Variants in PTPN23 observed in about 807,000 individuals in gnomAD.
The protein encoded by PTPN23 is tyrosine-protein phosphatase non-receptor type 23.
Under a neutral mutation model 156.3 loss-of-function variants are expected in PTPN23, and 72 were observed. The observed-to-expected ratio is 0.46, with a 90% CI of 0.38 to 0.56. The LOEUF is 0.56. Ranked by LOEUF, PTPN23 falls within the 20% of genes least tolerant of loss-of-function variation. The pLI, the probability that PTPN23 is intolerant of heterozygous loss-of-function variation, is 0.00. For synonymous variants in PTPN23, 957 were observed against 899.6 expected (o/e 1.06, Z -1.14); for missense variants, 1,974 against 2,171.5 (o/e 0.91, Z 1.81).
At chr3:47,404,441 A>G (rs368715988) in intron 2 of PTPN23, among the ~76,000 whole-genome samples, 1 of 146,738 alleles carries the variant, frequency 6.8e-6, no homozygotes, top group Non-Finnish European at 1.5e-5. Flanking sequence ...AGGAAAAACT[A>G]TGTGGGATAG....
chr3:47,413,034 CCTT>C lies in PTPN23; in HGVS notation c.4763_4765del (p.Phe1588del). The C allele has an allele frequency of 6.2e-7, 1 of 1,612,976 alleles. No individual in the cohort carries two copies. Among genetic ancestry groups the C allele is most frequent in the Non-Finnish European group, 8.5e-7 (1 of 1,180,008 alleles). On this transcript the variant is annotated inframe_deletion, in exon 25 of 25. Coordinates refer to ENST00000265562, the MANE Select transcript of PTPN23 (RefSeq NM_015466.4). The stretch of plus-strand genomic sequence containing the variant: ...TTGCTGGCCTCCTTGACCCCAGAGG[CCTT>C]CTCCCTGGACAGCTCCCTGCGGGGC...
chr3:47,397,526 C>T (rs1704903790), intron 2 of PTPN23, among the ~76,000 whole-genome samples: 2 of 152,196 alleles, frequency 1.3e-5, no homozygotes, highest in Non-Finnish European at 2.9e-5. Flanking sequence ...CCATAGAAAT[C>T]AGTAGCTGTT....
chr3:47,411,695 AGG>A lies in PTPN23; in HGVS notation c.3888+13_3888+14del, dbSNP rs748499546. ...AGGCTGAGATGGAGAAGGTGAGAAGAGGGGGTGGGTGCCCACGAGGGCAGTGT... is the reference window on the plus strand; with the variant it reads ...AGGCTGAGATGGAGAAGGTGAGAAGAGGGTGGGTGCCCACGAGGGCAGTGT... On this transcript the variant is annotated intron_variant, in intron 20 of 24. Coordinates refer to ENST00000265562, the MANE Select transcript of PTPN23 (RefSeq NM_015466.4). This position sits in a 1 kb window ranked among gnomAD's most constrained non-coding sequence, Gnocchi z 6.3. The A allele has an allele frequency of 3.8e-6, 6 of 1,596,514 alleles. No homozygotes were observed. In the South Asian group the frequency reaches 6.7e-5, roughly 18 times the overall value.
At chr3:47,384,028 T>C (rs1345993340) in intron 1 of PTPN23, among the ~76,000 whole-genome samples, 1 of 151,818 alleles carries the variant, frequency 6.6e-6, no homozygotes, top group Non-Finnish European at 1.5e-5. Flanking sequence ...TAATTTAGAA[T>C]AGAAGGGTGA....
intron 2 of PTPN23, among the ~76,000 whole-genome samples, chr3:47,400,380 T>G (rs1704968099): frequency 6.6e-6 from 1 of 152,206 alleles, no homozygotes; most frequent in African/African-American, 2.4e-5. Flanking sequence ...CATCACAGCA[T>G]CAAGCTCTCT....
rs769215674 is a variant in PTPN23 at position 47,407,176 on chromosome 3, A to G, written c.854A>G (p.Lys285Arg). The change falls in exon 10 of 25, where the codon AAG (lysine) becomes AGG (arginine). Residue 285 changes from lysine (K) to arginine (R), a missense_variant. Physicochemically the swap from Lys to Arg is conservative, Grantham distance 26. Transcript: ENST00000265562. The surrounding 1 kb of genome is among the most constrained non-coding windows in gnomAD (Gnocchi z 4.0). ...SALDKLNEAIKLAKGQPDTVQ... is the reference protein window; with the variant it reads ...SALDKLNEAIRLAKGQPDTVQ... ...CTGGACAAGCTCAATGAAGCCATCAAGTTGGCCAAGGTAAAGCTGAGGAAG... is the reference window on the plus strand; with the variant it reads ...CTGGACAAGCTCAATGAAGCCATCAGGTTGGCCAAGGTAAAGCTGAGGAAG... 3 of 1,613,926 alleles carry G rather than the reference A, an allele frequency of 1.9e-6. No individual in the cohort carries two copies. The highest frequency in any genetic ancestry group is 4.5e-5 in the East Asian group (2 of 44,884).
Position 47,407,367 on chromosome 3 carries a change from A to G in PTPN23, c.923A>G (p.Lys308Arg). ...TTCACTATGGATGTCATTGGGGGAA[A>G]GTGAGTCTGTGGGGGTGGCCCTGGT... Reference protein sequence around the residue: ...LRFTMDVIGGKYNSAKKDNDF... With the variant: ...LRFTMDVIGGRYNSAKKDNDF... Residue 308 changes from lysine (K) to arginine (R), a missense_variant and splice_region_variant, in exon 11 of 25, where the codon AAG becomes AGG. This residue lies in a region of PTPN23 where 726 missense variants were observed against 929.5 expected (regional missense o/e 0.78). Coordinates refer to ENST00000265562, the MANE Select transcript of PTPN23 (RefSeq NM_015466.4). The surrounding 1 kb of genome is among the most constrained non-coding windows in gnomAD (Gnocchi z 4.0). 7 of 1,613,948 alleles carry G rather than the reference A, an allele frequency of 4.3e-6. No homozygotes were observed. The highest frequency in any genetic ancestry group is 5.9e-6 in the Non-Finnish European group (7 of 1,179,928).
intron 2 of PTPN23, among the ~76,000 whole-genome samples, chr3:47,398,906 C>T (rs1704936436): frequency 6.6e-6 from 1 of 152,214 alleles, no homozygotes; most frequent in Admixed American, 6.5e-5. Context: ...TGAGCCTGTA[C>T]CATTCCCTGC....
intron 18 of PTPN23, 31 bp downstream of exon 18, chr3:47,409,599 A>C (rs2107720659): frequency 1.2e-6 from 2 of 1,612,124 alleles, no homozygotes; most frequent in Non-Finnish European, 1.7e-6. Flanking sequence ...TCTTTCCCGG[A>C]GCCACCTGGA....
intron 1 of PTPN23, among the ~76,000 whole-genome samples, chr3:47,389,922 A>C (rs1458921371): frequency 6.6e-6 from 1 of 151,486 alleles, no homozygotes; most frequent in Non-Finnish European, 1.5e-5. Context: ...AAAATACAAA[A>C]ATTAGCTGGG....
rs1705096468 is a variant in PTPN23, at chr3:47,405,323, G to A, written c.364+242G>A. 1.7e-6 allele frequency: 1 copy of A among 575,834 alleles called. No individual in the cohort carries two copies. The allele number at this position is 575,834 out of a possible 1,614,324, so 35.7% of individuals were successfully genotyped here. The stretch of plus-strand genomic sequence containing the variant: ...CTGCCACACAGAGTTGCCACTGTGT[G>A]CTCTGTCTGGGAGAGAGGGCCTTTC... On this transcript the variant is annotated intron_variant, in intron 4 of 24. Coordinates refer to ENST00000265562, the MANE Select transcript of PTPN23 (RefSeq NM_015466.4). The surrounding 1 kb of genome is among the most constrained non-coding windows in gnomAD (Gnocchi z 4.7).
intron 1 of PTPN23, among the ~76,000 whole-genome samples, chr3:47,395,753 A>T (rs999508929): frequency 6.6e-6 from 1 of 152,112 alleles, no homozygotes; most frequent in Non-Finnish European, 1.5e-5. Flanking sequence ...TGCAGTTGCT[A>T]TCAGCTTAGG....
At position 47,405,873 on chromosome 3, in the gene PTPN23, A is replaced by G. The variant is rs1433517409; in HGVS notation, c.415-42A>G. 2.5e-6 allele frequency: 4 copies of G among 1,606,846 alleles called. No homozygotes were observed. In the African/African-American group the frequency reaches 5.4e-5, roughly 22 times the overall value. On this transcript the variant is annotated intron_variant, in intron 5 of 24. Transcript: ENST00000265562. This position sits in a 1 kb window ranked among gnomAD's most constrained non-coding sequence, Gnocchi z 4.7. ...GCCTCCCAAGTATGGATGAATCCTG[A>G]CCCATGGAGTGGACACAGGCCATCC...
Position 47,404,627 on chromosome 3 carries a change from C to T in PTPN23, c.160-25C>T, listed in dbSNP as rs1254202535. 3 of 1,612,086 alleles carry T rather than the reference C, an allele frequency of 1.9e-6. No individual in the cohort carries two copies. The South Asian group carries it at 3.3e-5, about 18-fold the overall frequency. On this transcript the variant is annotated intron_variant, in intron 2 of 24. Coordinates refer to ENST00000265562, the MANE Select transcript of PTPN23 (RefSeq NM_015466.4). ...TCCACTGCCCCATATGACAACAGGC[C>T]TGCTTCTCCCATCCTGCCCCCCAGA...
chr3:47,382,694 T>C (rs1169885530), intron 1 of PTPN23, among the ~76,000 whole-genome samples: 5 of 109,378 alleles, frequency 4.6e-5, no homozygotes, highest in African/African-American at 9.8e-5. Context: ...TTTTTTTTTT[T>C]TTTTTTTTTT....
rs146035301 is a variant in PTPN23 at position 47,407,334 on chromosome 3, C to T, written c.890C>T (p.Ala297Val). The T allele has an allele frequency of 1.1e-4, 181 of 1,614,014 alleles. 1 individual carries two copies. The highest frequency in any genetic ancestry group is 1.7e-4 in the Admixed American group (10 of 60,018). The change falls in exon 11 of 25, where the codon GCG (alanine) becomes GTG (valine). Residue 297 changes from alanine to valine, a missense_variant. This residue lies in a region of PTPN23 where 726 missense variants were observed against 929.5 expected (regional missense o/e 0.78). Coordinates refer to ENST00000265562, the MANE Select transcript of PTPN23 (RefSeq NM_015466.4). The surrounding 1 kb of genome is among the most constrained non-coding windows in gnomAD (Gnocchi z 4.0). The part of the protein sequence containing the change: ...AKGQPDTVQD[A>V]LRFTMDVIGG... ...GGCCAGCCTGACACTGTGCAAGACGCGCTTCGCTTCACTATGGATGTCATT... is the reference window on the plus strand; with the variant it reads ...GGCCAGCCTGACACTGTGCAAGACGTGCTTCGCTTCACTATGGATGTCATT...
rs34520125 is a variant in PTPN23 at position 47,389,840 on chromosome 3, CAAAAAAAAAAAA to C, written c.85-6291_85-6280del. On this transcript the variant is annotated intron_variant, in intron 1 of 24. Coordinates refer to ENST00000265562, the MANE Select transcript of PTPN23 (RefSeq NM_015466.4). The stretch of plus-strand genomic sequence containing the variant: ...TGGGTAACAGAGCGAGACTCCGTCT[CAAAAAAAAAAAA>C]AAAAAAAAAAAGGAGTTCGAGATCA... Among the ~76,000 whole-genome samples the C allele has an allele frequency of 9.3e-3, 302 of 32,360 alleles. 1 individual carries two copies. Among genetic ancestry groups the C allele is most frequent in the Non-Finnish European group, 0.015 (216 of 14,896 alleles). The allele number at this position is 32,360 out of a possible 152,430, so 21.2% of individuals were successfully genotyped here.
rs145499707 is a variant in PTPN23 at position 47,389,657 on chromosome 3, G to A, written c.85-6486G>A. Among the ~76,000 whole-genome samples the A allele has an allele frequency of 9.0e-3, 1,371 of 152,100 alleles. 8 individuals are homozygous for A. The highest frequency in any genetic ancestry group is 0.014 in the Non-Finnish European group (961 of 67,974). ...AGATCAAGACCATCCTGGCTAACAC[G>A]GTGAATCCCCGTCTCCACTAAAAAT... On this transcript the variant is annotated intron_variant, in intron 1 of 24. Coordinates refer to ENST00000265562, the MANE Select transcript of PTPN23 (RefSeq NM_015466.4).
At chr3:47,408,626 T>C (rs1236223534) in intron 15 of PTPN23, 136 bp downstream of exon 15, 5 of 1,414,606 alleles carry the variant, frequency 3.5e-6, no homozygotes, top group Non-Finnish European at 4.8e-6. Context: ...CCCACTCCTC[T>C]GAATCAGCAT....
Sources: allele counts gnomAD v4.1 joint callset (sites outside exome capture counted in the v4.1 genomes callset), GRCh38; gene constraint gnomAD v4.1.1; regional missense constraint gnomAD v4.1.1; non-coding constraint Gnocchi (gnomAD v3.1); transcripts MANE v1.5; gene names NCBI Gene and HGNC (gene_info 2026-07-23, HGNC 2026-07-21).